CSGALNACT1: variants seen among roughly 807,000 people sequenced by gnomAD.
CSGALNACT1 encodes the protein chondroitin sulfate N-acetylgalactosaminyltransferase 1.
CSGALNACT1 carries 52 observed loss-of-function variants against 51.0 expected under a neutral mutation model. The observed-to-expected ratio is 1.02, with a 90% CI of 0.82 to 1.29. CSGALNACT1 has a LOEUF of 1.29. CSGALNACT1 is among the 50% of genes most tolerant of loss of function. The pLI, the probability that CSGALNACT1 is intolerant of heterozygous loss-of-function variation, is 0.00. For missense variants in CSGALNACT1, 935 were observed against 679.2 expected, an observed-to-expected ratio of 1.38 and a Z score of -4.19; for synonymous variants, 341 against 254.4, an observed-to-expected ratio of 1.34 and a Z score of -3.24.
intron 4 of CSGALNACT1, among the ~76,000 whole-genome samples, chr8:19,459,720 C>A (rs2064965546): frequency 6.6e-6 from 1 of 152,114 alleles, no homozygotes; most frequent in African/African-American, 2.4e-5. Context: ...CTCATTTTCC[C>A]CAAAGGTTAC....
intron 4 of CSGALNACT1, among the ~76,000 whole-genome samples, chr8:19,487,632 C>T (rs111549051): frequency 2.2e-3 from 329 of 152,260 alleles, no homozygotes; most frequent in African/African-American, 7.5e-3. Flanking sequence ...CGAAAAGCCA[C>T]CTCTCTTACA....
chr8:19,490,974 A>C (rs1166987853), intron 4 of CSGALNACT1, among the ~76,000 whole-genome samples: 1 of 152,148 alleles, frequency 6.6e-6, no homozygotes, highest in African/African-American at 2.4e-5. Flanking sequence ...TTTTCTAGTC[A>C]TGTCAACATG....
chr8:19,514,452 A>T (rs1314820626), intron 3 of CSGALNACT1, among the ~76,000 whole-genome samples: 1 of 138,402 alleles, frequency 7.2e-6, no homozygotes, highest in African/African-American at 2.8e-5. Flanking sequence ...CATTTCAGGC[A>T]TCATATGACT....
chr8:19,504,668 G>C (rs184707297), intron 4 of CSGALNACT1, among the ~76,000 whole-genome samples: 14 of 152,338 alleles, frequency 9.2e-5, no homozygotes, highest in African/African-American at 3.4e-4. Flanking sequence ...GGACTCTGGA[G>C]TTAAGACTTC....
intron 6 of CSGALNACT1, among the ~76,000 whole-genome samples, chr8:19,427,825 T>G (rs4481612): frequency 0.45 from 68,200 of 151,788 alleles, 16,057 homozygotes; most frequent in East Asian, 0.83. Flanking sequence ...GTGGCAATCT[T>G]AACACCATGC....
exon 10 of CSGALNACT1, chr8:19,404,212 T>C (rs1210489300): frequency 5.1e-6 from 2 of 393,726 alleles, no homozygotes; most frequent in East Asian, 7.3e-5. Flanking sequence ...CTTCCATTCA[T>C]GGCCTGTGTT....
In CSGALNACT1 at chr8:19,475,496, C is replaced by T. The variant is rs956650355; in HGVS notation, c.635-16854G>A. ...CCATAAAGTTTTGAAGGAAAGCCCC[C>T]GGAGAACAGCTTTCAGTCAGAAGCA... is the stretch of plus-strand genomic sequence containing the variant. On this transcript the variant is annotated intron_variant, in intron 4 of 9. Transcript: ENST00000454498. Among the ~76,000 whole-genome samples the T allele has an allele frequency of 3.9e-5, 6 of 152,116 alleles. 1 individual carries two copies. The South Asian group carries it at 6.2e-4, about 16-fold the overall frequency.
At chr8:19,438,123 G>C (rs2060681835) in intron 6 of CSGALNACT1, among the ~76,000 whole-genome samples, 1 of 151,910 alleles carries the variant, frequency 6.6e-6, no homozygotes, top group Non-Finnish European at 1.5e-5. Flanking sequence ...CCCATAGGAA[G>C]GAGGCTGTGA....
At chr8:19,610,623 AG>A (rs1452041806) in intron 1 of CSGALNACT1, among the ~76,000 whole-genome samples, 2 of 152,200 alleles carry the variant, frequency 1.3e-5, no homozygotes, top group Non-Finnish European at 2.9e-5. Context: ...AACAATGCAG[AG>A]TTTGGCTGGG....
chr8:19,666,194 C>G (rs1039930066), intron 1 of CSGALNACT1, among the ~76,000 whole-genome samples: 2 of 152,196 alleles, frequency 1.3e-5, no homozygotes, highest in East Asian at 3.8e-4. Context: ...ACAAGGTATT[C>G]TAACAGTGTT....
chr8:19,505,598 G>A (rs373639265), exon 4 of CSGALNACT1: 35 of 1,613,942 alleles, frequency 2.2e-5, no homozygotes, highest in Middle Eastern at 1.6e-4. Flanking sequence ...TGAGCTGTGC[G>A]ATCTGCCGCT....
chr8:19,471,750 AAAC>A (rs1183513497), intron 4 of CSGALNACT1, among the ~76,000 whole-genome samples: 2 of 152,230 alleles, frequency 1.3e-5, no homozygotes, highest in African/African-American at 4.8e-5. Context: ...CAGTGAGAGT[AAAC>A]AACAAGGCTG....
intron 5 of CSGALNACT1, chr8:19,457,935 T>C: frequency 1.5e-6 from 1 of 655,318 alleles, no homozygotes; most frequent in Non-Finnish European, 2.4e-6. Flanking sequence ...AAAAGATAGA[T>C]TTGGATTCAA....
At chr8:19,508,815 G>C (rs545649967) in intron 3 of CSGALNACT1, among the ~76,000 whole-genome samples, 3 of 152,184 alleles carry the variant, frequency 2.0e-5, no homozygotes, top group Non-Finnish European at 2.9e-5. Context: ...AAGATGAAAA[G>C]CATGTTGGCT....
chr8:19,611,418 A>G (rs2052238980), intron 1 of CSGALNACT1, among the ~76,000 whole-genome samples: 1 of 152,246 alleles, frequency 6.6e-6, no homozygotes, highest in African/African-American at 2.4e-5. Context: ...GCTAGCTAGC[A>G]TTTATTGGGC....
intron 1 of CSGALNACT1, among the ~76,000 whole-genome samples, chr8:19,752,797 T>C (rs947870029): frequency 2.6e-5 from 4 of 152,238 alleles, no homozygotes; most frequent in African/African-American, 9.6e-5. Flanking sequence ...CTGAATGTTA[T>C]GTTTTATGCA....
chr8:19,724,838 C>T (rs2063308458), intron 1 of CSGALNACT1, among the ~76,000 whole-genome samples: 1 of 152,208 alleles, frequency 6.6e-6, no homozygotes, highest in Admixed American at 6.5e-5. Flanking sequence ...CATGACCTTT[C>T]AGGGAGAGTG....
intron 1 of CSGALNACT1, among the ~76,000 whole-genome samples, chr8:19,635,935 G>A (rs1352877027): frequency 1.3e-5 from 2 of 152,064 alleles, no homozygotes; most frequent in Non-Finnish European, 2.9e-5. Flanking sequence ...TCACCATGTT[G>A]GCCAGGCTGG....
intron 4 of CSGALNACT1, among the ~76,000 whole-genome samples, chr8:19,486,555 C>A (rs1350038550): frequency 6.6e-6 from 1 of 152,174 alleles, no homozygotes; most frequent in Non-Finnish European, 1.5e-5. Context: ...CTGCCCAGAG[C>A]TTGCACACTA....
Sources: allele counts gnomAD v4.1 joint callset (sites outside exome capture counted in the v4.1 genomes callset), GRCh38; gene constraint gnomAD v4.1.1; transcripts MANE v1.5; gene names NCBI Gene and HGNC (gene_info 2026-07-23, HGNC 2026-07-21).